The following CCSER1 variants were observed in gnomAD, a reference collection of about 807,000 sequenced individuals.
CCSER1 encodes the protein serine-rich coiled-coil domain-containing protein 1.
In CCSER1, 41 loss-of-function variants were observed where a neutral mutation model predicts 82.0. The observed-to-expected ratio is 0.50, with a 90% confidence interval of 0.39 to 0.65. The LOEUF is 0.65. Ranked by LOEUF, CCSER1 falls within the 30% of genes least tolerant of loss-of-function variation. The pLI is 0.00. For synonymous variants in CCSER1, 414 were observed against 383.9 expected (o/e 1.08, Z -0.92); for missense variants, 1,119 against 1,064.2 (o/e 1.05, Z -0.72).
intron 7 of CCSER1, among the ~76,000 whole-genome samples, chr4:90,748,847 G>A (rs1377735202): frequency 1.3e-5 from 2 of 149,844 alleles, no homozygotes; most frequent in African/African-American, 4.9e-5. Context: ...TTTGAGAAGT[G>A]TCTGTTCATG....
intron 4 of CCSER1, among the ~76,000 whole-genome samples, chr4:90,416,798 A>G (rs1755867553): frequency 6.6e-6 from 1 of 152,238 alleles, no homozygotes; most frequent in Non-Finnish European, 1.5e-5. Flanking sequence ...TAAATATTCA[A>G]AAATCAAATA....
chr4:91,168,143 CATCT>C (rs1732325607), intron 10 of CCSER1, among the ~76,000 whole-genome samples: 1 of 148,888 alleles, frequency 6.7e-6, no homozygotes, highest in Non-Finnish European at 1.5e-5. Flanking sequence ...CCGGCCGCCC[CATCT>C]GGGAATTGAG....
chr4:90,170,592 G>T (rs1731470992), intron 1 of CCSER1, among the ~76,000 whole-genome samples: 1 of 151,194 alleles, frequency 6.6e-6, no homozygotes. Context: ...TTTTTTTTTA[G>T]CACCCACAAA....
chr4:91,434,608 A>G (rs1378030124), intron 10 of CCSER1, among the ~76,000 whole-genome samples: 1 of 152,212 alleles, frequency 6.6e-6, no homozygotes, highest in Admixed American at 6.5e-5. Flanking sequence ...TAGTAAGAAT[A>G]TCCACAGCTT....
chr4:90,943,072 G>A (rs940238913), intron 9 of CCSER1, among the ~76,000 whole-genome samples: 2 of 151,578 alleles, frequency 1.3e-5, no homozygotes, highest in African/African-American at 4.8e-5. Flanking sequence ...TATAATGGTC[G>A]GGGAGAGTGA....
chr4:90,352,201 G>A (rs1329245204), intron 3 of CCSER1, among the ~76,000 whole-genome samples: 5 of 152,088 alleles, frequency 3.3e-5, no homozygotes, highest in Non-Finnish European at 7.4e-5. Context: ...GCGGGCGCCT[G>A]TTGTCCCAGC....
At chr4:91,164,875 C>T (rs1236523950) in intron 10 of CCSER1, among the ~76,000 whole-genome samples, 5 of 152,326 alleles carry the variant, frequency 3.3e-5, no homozygotes, top group East Asian at 1.9e-4. Flanking sequence ...TGGGTTCAAA[C>T]GTCTTCCTTT....
intron 10 of CCSER1, among the ~76,000 whole-genome samples, chr4:91,437,506 T>C (rs1046075024): frequency 2.0e-5 from 3 of 152,238 alleles, no homozygotes; most frequent in African/African-American, 4.8e-5. Context: ...GCAGCCAAGA[T>C]GGCCGAATAG....
At chr4:90,364,820 A>G (rs1267410976) in intron 3 of CCSER1, among the ~76,000 whole-genome samples, 2 of 152,040 alleles carry the variant, frequency 1.3e-5, no homozygotes, top group African/African-American at 2.4e-5. Flanking sequence ...GAAAAGAAAA[A>G]CATAAAAGAG....
At chr4:91,391,829 T>C (rs1248499411) in intron 10 of CCSER1, among the ~76,000 whole-genome samples, 1 of 152,182 alleles carries the variant, frequency 6.6e-6, no homozygotes, top group Non-Finnish European at 1.5e-5. Flanking sequence ...ATGTTGGCCG[T>C]GATCATTTTC....
chr4:91,476,254 C>T (rs945924713), intron 10 of CCSER1, among the ~76,000 whole-genome samples: 1 of 151,814 alleles, frequency 6.6e-6, no homozygotes, highest in African/African-American at 2.4e-5. Flanking sequence ...TACATTCCCA[C>T]CAACAGTATA....
At chr4:90,561,191 A>G (rs1251688381) in intron 5 of CCSER1, among the ~76,000 whole-genome samples, 1 of 152,204 alleles carries the variant, frequency 6.6e-6, no homozygotes, top group Non-Finnish European at 1.5e-5. Context: ...CTCATTTTCC[A>G]TTGATCCTTT....
At chr4:91,019,290 C>T (rs1271305820) in intron 9 of CCSER1, among the ~76,000 whole-genome samples, 1 of 151,768 alleles carries the variant, frequency 6.6e-6, no homozygotes, top group Non-Finnish European at 1.5e-5. Context: ...AAATATTCCA[C>T]ACTGGGCTAC....
At chr4:90,838,953 G>C in intron 8 of CCSER1, 1 of 1,613,342 alleles carries the variant, frequency 6.2e-7, no homozygotes, top group Non-Finnish European at 8.5e-7. Flanking sequence ...TTGGAAGGCA[G>C]TGGATTTTTC....
At chr4:90,801,049 T>G (rs2149699661) in intron 7 of CCSER1, among the ~76,000 whole-genome samples, 1 of 152,220 alleles carries the variant, frequency 6.6e-6, no homozygotes, top group Non-Finnish European at 1.5e-5. Context: ...TTTTTATTGT[T>G]AGTTCAAAAA....
At chr4:91,425,747 C>T (rs534431678) in intron 10 of CCSER1, among the ~76,000 whole-genome samples, 1 of 152,230 alleles carries the variant, frequency 6.6e-6, no homozygotes, top group South Asian at 2.1e-4. Context: ...TGTGGAGTTG[C>T]TGCTCAACAA....
At chr4:91,180,320 A>G (rs541755459) in intron 10 of CCSER1, among the ~76,000 whole-genome samples, 81 of 152,316 alleles carry the variant, frequency 5.3e-4, no homozygotes, top group African/African-American at 1.9e-3. Context: ...TAGGAGAACC[A>G]CTACTCTCTT....
At chr4:91,139,510 A>G (rs1728822624) in intron 10 of CCSER1, among the ~76,000 whole-genome samples, 1 of 152,186 alleles carries the variant, frequency 6.6e-6, no homozygotes, top group Non-Finnish European at 1.5e-5. Context: ...GAACAAAAAG[A>G]AAAAAGATAC....
chr4:90,865,401 A>G (rs1382551438), intron 8 of CCSER1, among the ~76,000 whole-genome samples: 1 of 152,034 alleles, frequency 6.6e-6, no homozygotes, highest in Non-Finnish European at 1.5e-5. Flanking sequence ...CAATGAAAAG[A>G]CAATTTTGCC....
Sources: allele counts gnomAD v4.1 joint callset (sites outside exome capture counted in the v4.1 genomes callset), GRCh38; gene constraint gnomAD v4.1.1; transcripts MANE v1.5; gene names NCBI Gene and HGNC (gene_info 2026-07-23, HGNC 2026-07-21).